The following GALNT16 variants were observed in gnomAD, a reference collection of about 807,000 sequenced individuals.
GALNT16 encodes the protein polypeptide N-acetylgalactosaminyltransferase 16.
A neutral mutation model predicts 76.1 loss-of-function variants in GALNT16; 40 were observed. The observed-to-expected ratio is 0.53, with a 90% CI of 0.41 to 0.68. The LOEUF is 0.68. Among genes scored for constraint, GALNT16 ranks in the 30% least tolerant of loss-of-function variants. The pLI, the probability that GALNT16 is intolerant of heterozygous loss-of-function variation, is 0.00. For missense variants in GALNT16, 621 were observed against 731.9 expected, an observed-to-expected ratio of 0.85 and a Z score of 1.75; for synonymous variants, 276 against 285.2, an observed-to-expected ratio of 0.97 and a Z score of 0.32.
chr14:69,331,381 A>G, intron 6 of GALNT16, 83 bp from the exon 7 acceptor site: 2 of 781,662 alleles, frequency 2.6e-6, no homozygotes, highest in Non-Finnish European at 4.6e-6. Context: ...TGTCTCAGAG[A>G]GGCCTTCTCC....
chr14:69,262,710 C>A (rs937204239), intron 1 of GALNT16, among the ~76,000 whole-genome samples: 1 of 147,186 alleles, frequency 6.8e-6, no homozygotes, highest in South Asian at 2.1e-4. Flanking sequence ...CCAGCACTGA[C>A]CCCCCCGTCA....
chr14:69,371,983 C>A, the GALNT16 span, among the ~76,000 whole-genome samples: 1 of 152,014 alleles, frequency 6.6e-6, no homozygotes, highest in African/African-American at 2.4e-5. Flanking sequence ...AATAAGTTAT[C>A]ATTCACCTGG....
intron 12 of GALNT16, among the ~76,000 whole-genome samples, chr14:69,345,555 C>T (rs2045550173): frequency 6.6e-6 from 1 of 152,132 alleles, no homozygotes; most frequent in Non-Finnish European, 1.5e-5. Flanking sequence ...GCAGAGAAGG[C>T]ACACACGCTG....
the GALNT16 span, among the ~76,000 whole-genome samples, chr14:69,368,019 AAG>A: frequency 2.0e-5 from 3 of 152,098 alleles, no homozygotes; most frequent in African/African-American, 4.8e-5. Context: ...AGAAAAAGAA[AAG>A]AGAAAGAATG....
chr14:69,276,949 G>A (rs1445971000), intron 1 of GALNT16, among the ~76,000 whole-genome samples: 1 of 152,128 alleles, frequency 6.6e-6, no homozygotes, highest in Non-Finnish European at 1.5e-5. Context: ...ACGTGGCACT[G>A]TGGTCACTTG....
intron 1 of GALNT16, among the ~76,000 whole-genome samples, chr14:69,278,981 G>T (rs2140113565): frequency 6.6e-6 from 1 of 151,808 alleles, no homozygotes; most frequent in South Asian, 2.1e-4. Flanking sequence ...GCCGAGGCTG[G>T]GGTGCAGTGG....
rs576794121 is a variant in GALNT16 at position 69,272,210 on chromosome 14, A to G, written c.177+11743A>G. ...ACCCCATCTCTACTAAAAATACAAA[A>G]AAATTAACCGGGCCTGGTGGCATGC... On this transcript the variant is annotated intron_variant, in intron 1 of 14. Transcript: ENST00000448469. Among the ~76,000 whole-genome samples the G allele has an allele frequency of 7.2e-5, 11 of 152,248 alleles. No homozygotes were observed. In the South Asian group the frequency reaches 2.3e-3, roughly 32 times the overall value.
intron 5 of GALNT16, 109 bp from the exon 6 acceptor site, chr14:69,328,341 T>C (rs2140174543): frequency 8.8e-7 from 1 of 1,130,770 alleles, no homozygotes; most frequent in Non-Finnish European, 1.3e-6. Flanking sequence ...TCACAATAAC[T>C]CAGGAAGCCT....
intron 1 of GALNT16, among the ~76,000 whole-genome samples, chr14:69,306,063 C>T (rs561910152): frequency 6.6e-6 from 1 of 152,286 alleles, no homozygotes; most frequent in South Asian, 2.1e-4. Context: ...TGTCGAACAT[C>T]AGTTGACCAT....
intron 5 of GALNT16, 144 bp downstream of exon 5, chr14:69,326,171 A>G (rs1202739860): frequency 2.9e-6 from 2 of 701,330 alleles, no homozygotes; most frequent in Non-Finnish European, 5.1e-6. Context: ...TCTGCAGAAG[A>G]CTCTCCTCCT....
At chr14:69,380,723 G>A in the GALNT16 span, 2 of 728,650 alleles carry the variant, frequency 2.7e-6, no homozygotes, top group Admixed American at 2.2e-5. Context: ...ACTGCCCAAT[G>A]ATGGCATAGA....
At chr14:69,336,258 C>T (rs1274611885) in intron 9 of GALNT16, among the ~76,000 whole-genome samples, 2 of 152,202 alleles carry the variant, frequency 1.3e-5, no homozygotes, top group African/African-American at 2.4e-5. Context: ...TACAGGCACA[C>T]ACCACCAGGC....
rs771023617 is a variant in GALNT16, at chr14:69,347,918, G to C, written c.1455G>C (p.Lys485Asn). ...FSDHLIQQQG[K>N]CLAATSTLMS... is the part of the protein sequence containing the mutation. ...ACCACCTCATCCAGCAGCAGGGGAAGTGCCTGGCTGCCACCTCCACCTTAA... is the reference window on the plus strand; with the variant it reads ...ACCACCTCATCCAGCAGCAGGGGAACTGCCTGGCTGCCACCTCCACCTTAA... Residue 485 changes from lysine to asparagine, a missense_variant, in exon 14 of 15, where the codon AAG becomes AAC. Lys to Asn is a moderately conservative substitution (Grantham distance 94, BLOSUM62 0). Coordinates refer to ENST00000448469, the MANE Select transcript of GALNT16 (RefSeq NM_001168368.2). The C allele has an allele frequency of 1.2e-6, 2 of 1,613,990 alleles. No homozygotes were observed. The highest frequency in any genetic ancestry group is 1.7e-5 in the Admixed American group (1 of 60,036).
intron 12 of GALNT16, among the ~76,000 whole-genome samples, chr14:69,342,486 GAGGGAGGGAGGGAGGGAGGGAGGA>G (rs2045502942): frequency 4.5e-5 from 2 of 44,488 alleles, no homozygotes; most frequent in Admixed American, 2.4e-4. Context: ...GGGAGGGAGG[GAGGGAGGGAGGGAGGGAGGGAGGA>G]AGGAAGGGGA....
At chr14:69,260,511 G>T in intron 1 of GALNT16, 44 bp downstream of exon 1, 1 of 1,304,508 alleles carries the variant, frequency 7.7e-7, no homozygotes, top group Non-Finnish European at 9.7e-7. Flanking sequence ...GGGAGCCGCG[G>T]CGCGCGTCCA....
intron 1 of GALNT16, among the ~76,000 whole-genome samples, chr14:69,276,361 G>A (rs1298198839): frequency 1.3e-5 from 2 of 152,316 alleles, no homozygotes; most frequent in Admixed American, 1.3e-4. Flanking sequence ...TTGTGGTTTT[G>A]TTTGTTTGCT....
In GALNT16 at chr14:69,342,512, GGAA is replaced by G. The variant is rs79430050; in HGVS notation, c.1271+750_1271+752del. Among the ~76,000 whole-genome samples, 354 of 95,850 alleles carry G rather than the reference GGAA, an allele frequency of 3.7e-3. 5 individuals carry two copies. The highest frequency in any genetic ancestry group is 9.7e-3 in the East Asian group (28 of 2,874). The allele number at this position is 95,850 out of a possible 152,430, so 62.9% of individuals were successfully genotyped here. A position where few individuals can be genotyped will look rare whatever the true frequency, so the allele number is the denominator to read the frequency against. On this transcript the variant is annotated intron_variant, in intron 12 of 14. Coordinates refer to ENST00000448469, the MANE Select transcript of GALNT16 (RefSeq NM_001168368.2). ...AGGGAGGGAGGGAGGGAGGGAGGAA[GGAA>G]GGGGAGAGGGAGAGGAAAAGAAAAG...
intron 1 of GALNT16, among the ~76,000 whole-genome samples, chr14:69,270,443 C>T (rs1484267694): frequency 6.6e-6 from 1 of 152,228 alleles, no homozygotes; most frequent in Non-Finnish European, 1.5e-5. Flanking sequence ...CACACAATTC[C>T]AATCCCCTGG....
the GALNT16 span, among the ~76,000 whole-genome samples, chr14:69,370,209 GA>G: frequency 6.6e-6 from 1 of 152,216 alleles, no homozygotes. Flanking sequence ...CAGGCTTACA[GA>G]ACACCAGCCT....
Sources: gnomAD v4.1 joint callset for allele counts (sites outside exome capture counted in the v4.1 genomes callset) on GRCh38, gnomAD v4.1.1 for gene constraint, MANE v1.5 for transcripts, NCBI Gene and HGNC (gene_info 2026-07-23, HGNC 2026-07-21) for gene names.